PRDM15: variants seen among roughly 807,000 people sequenced by gnomAD.
The protein encoded by PRDM15 is PR domain zinc finger protein 15.
PRDM15 carries 64 observed loss-of-function variants against 128.6 expected under a neutral mutation model. The observed-to-expected ratio is 0.50, with a 90% CI of 0.41 to 0.61. PRDM15 has a LOEUF of 0.61. Ranked by LOEUF, PRDM15 falls within the 20% of genes least tolerant of loss-of-function variation. The pLI is 0.00. For missense variants in PRDM15, 1,242 were observed against 1,569.1 expected, an observed-to-expected ratio of 0.79 and a Z score of 3.52; for synonymous variants, 615 against 621.8, an observed-to-expected ratio of 0.99 and a Z score of 0.16.
At chr21:41,867,493 T>C in intron 1 of PRDM15, 1 of 791,038 alleles carries the variant, frequency 1.3e-6, no homozygotes, top group African/African-American at 1.7e-5. Flanking sequence ...AGCGCAGTGG[T>C]TTTTCACAGG....
chr21:41,879,076 T>A lies in PRDM15; in HGVS notation c.-10+194A>T. On this transcript the variant is annotated intron_variant, in intron 1 of 23. Coordinates refer to ENST00000398548, the MANE Select transcript of PRDM15 (RefSeq NM_001040424.3). This position sits in a 1 kb window ranked among gnomAD's most constrained non-coding sequence, Gnocchi z 5.1. ...GGGTTTTGACTCCGATCGCCAACGGTGCCCGCAGCCGGCGAATGTAACAAA... is the reference window on the plus strand; with the variant it reads ...GGGTTTTGACTCCGATCGCCAACGGAGCCCGCAGCCGGCGAATGTAACAAA... 1 of 1,129,164 alleles carries A rather than the reference T, an allele frequency of 8.9e-7. No individual in the cohort carries two copies. The highest frequency in any genetic ancestry group is 1.1e-6 in the Non-Finnish European group (1 of 897,166). 69.9% of individuals were successfully genotyped at this position (1,129,164 alleles called of 1,614,324 possible).
chr21:41,806,018 TC>T (rs2061564427), intron 21 of PRDM15, among the ~76,000 whole-genome samples: 7 of 26,716 alleles, frequency 2.6e-4, no homozygotes, highest in African/African-American at 1.1e-3. Context: ...ACCACCACCA[TC>T]ACCACCACCA....
Position 41,832,274 on chromosome 21 carries a change from C to T in PRDM15, c.1366+3163G>A, listed in dbSNP as rs117308130. ...TAGGAATGGGACCACTAGAGCCAAGCGCTTTGTGAAAGGCCACACCTTACA... is the reference window on the plus strand; with the variant it reads ...TAGGAATGGGACCACTAGAGCCAAGTGCTTTGTGAAAGGCCACACCTTACA... On this transcript the variant is annotated intron_variant, in intron 11 of 23. Transcript: ENST00000398548. The surrounding 1 kb of genome is among the most constrained non-coding windows in gnomAD (Gnocchi z 4.2). Among the ~76,000 whole-genome samples, 60 of 152,282 alleles carry T rather than the reference C, an allele frequency of 3.9e-4. No homozygotes were observed. In the East Asian group the frequency reaches 8.1e-3, roughly 21 times the overall value.
chr21:41,835,591 C>G, intron 10 of PRDM15, 67 bp from the exon 11 acceptor site: 1 of 1,369,750 alleles, frequency 7.3e-7, no homozygotes, highest in Non-Finnish European at 1.0e-6. Flanking sequence ...GAGCCCCCGA[C>G]GTGCTGCCCG....
Position 41,832,178 on chromosome 21 carries a change from G to C in PRDM15, c.1366+3259C>G, listed in dbSNP as rs781175592. 1.3e-5 allele frequency among the ~76,000 whole-genome samples: 2 copies of C among 152,202 alleles called. No individual in the cohort carries two copies. Among genetic ancestry groups the C allele is most frequent in the African/African-American group, 2.4e-5 (1 of 41,450 alleles). On this transcript the variant is annotated intron_variant, in intron 11 of 23. Coordinates refer to ENST00000398548, the MANE Select transcript of PRDM15 (RefSeq NM_001040424.3). This position sits in a 1 kb window ranked among gnomAD's most constrained non-coding sequence, Gnocchi z 4.2. ...TCACTTTGCTATTTTTGACACTGTA[G>C]ATAATTTAGTGATGGAATCTTTAGT...
chr21:41,837,079 A>G (rs2062919968), intron 8 of PRDM15: 1 of 153,872 alleles, frequency 6.5e-6, no homozygotes, highest in African/African-American at 2.4e-5. Context: ...CTGGGCAATA[A>G]GATAAAGTAT....
At position 41,836,094 on chromosome 21, in the gene PRDM15, T is replaced by C; in HGVS notation, c.1278+19A>G. 1 of 1,582,308 alleles carries C rather than the reference T, an allele frequency of 6.3e-7. No individual in the cohort carries two copies. The highest frequency in any genetic ancestry group is 8.7e-7 in the Non-Finnish European group (1 of 1,152,676). On this transcript the variant is annotated intron_variant, in intron 10 of 23. Transcript: ENST00000398548. ...GTCCACACAACTGGGAAGAGAACCC[T>C]GGGCTTGTTTCCACCCACCTCGTTC...
In PRDM15 at chr21:41,828,867, C is replaced by G. The variant is rs963704416; in HGVS notation, c.1367-534G>C. 6.6e-6 allele frequency among the ~76,000 whole-genome samples: 1 copy of G among 152,164 alleles called. No individual in the cohort carries two copies. Among genetic ancestry groups the G allele is most frequent in the African/African-American group, 2.4e-5 (1 of 41,472 alleles). On this transcript the variant is annotated intron_variant, in intron 11 of 23. Coordinates refer to ENST00000398548, the MANE Select transcript of PRDM15 (RefSeq NM_001040424.3). The surrounding 1 kb of genome is among the most constrained non-coding windows in gnomAD (Gnocchi z 5.7). ...AATGTGCCCATATTCCCCCCTTCACCCAAATCCTCCTCAGCACACACACAA... is the reference window on the plus strand; with the variant it reads ...AATGTGCCCATATTCCCCCCTTCACGCAAATCCTCCTCAGCACACACACAA...
intron 1 of PRDM15, among the ~76,000 whole-genome samples, chr21:41,860,999 C>A (rs978566577): frequency 2.0e-5 from 3 of 152,130 alleles, no homozygotes; most frequent in Admixed American, 6.5e-5. Flanking sequence ...GTGACAGGGT[C>A]TTGCTCTGTC....
intron 18 of PRDM15, 101 bp from the exon 19 acceptor site, chr21:41,815,937 G>T: frequency 6.8e-7 from 1 of 1,465,266 alleles, no homozygotes; most frequent in South Asian, 1.2e-5. Context: ...CGGCCCGTGC[G>T]GTACTGGTGA....
rs150320813 is a variant in PRDM15, at chr21:41,833,744, C to T, written c.1366+1693G>A. ...TAACAAAGGCCAGCACCTGGCCTAA[C>T]AGCACCTCTGGCTGACAGGAAGCTG... On this transcript the variant is annotated intron_variant, in intron 11 of 23. Transcript: ENST00000398548. Among the ~76,000 whole-genome samples the T allele has an allele frequency of 3.0e-3, 451 of 152,328 alleles. 3 individuals are homozygous for T. The highest frequency in any genetic ancestry group is 4.9e-3 in the Non-Finnish European group (333 of 68,030).
At chr21:41,839,364 G>A (rs1052531595) in intron 7 of PRDM15, among the ~76,000 whole-genome samples, 2 of 152,212 alleles carry the variant, frequency 1.3e-5, no homozygotes, top group African/African-American at 2.4e-5. Context: ...CTACCCTGAC[G>A]GGGGTGCTGG....
At chr21:41,842,498 T>C (rs1006267128) in intron 6 of PRDM15, among the ~76,000 whole-genome samples, 2 of 152,224 alleles carry the variant, frequency 1.3e-5, no homozygotes, top group African/African-American at 2.4e-5. Context: ...TCTTTTTTTG[T>C]TTGTTTGTTT....
rs1004962454 is a variant in PRDM15, at chr21:41,821,874, C to G, written c.1896+29G>C. Reference sequence around the variant, plus strand: ...ACGACCACCTTCCTCTCCAGACCACCCAGGCACCGCGGGGCAAACCCGCCA... The same window carrying G: ...ACGACCACCTTCCTCTCCAGACCACGCAGGCACCGCGGGGCAAACCCGCCA... On this transcript the variant is annotated intron_variant, in intron 15 of 23. Coordinates refer to ENST00000398548, the MANE Select transcript of PRDM15 (RefSeq NM_001040424.3). This position sits in a 1 kb window ranked among gnomAD's most constrained non-coding sequence, Gnocchi z 5.4. 2 of 1,612,628 alleles carry G rather than the reference C, an allele frequency of 1.2e-6. No homozygotes were observed.
chr21:41,871,900 T>C, intron 1 of PRDM15: 1 of 298,520 alleles, frequency 3.3e-6, no homozygotes, highest in Non-Finnish European at 6.2e-6. Context: ...TGCGCACACC[T>C]ACGTGACATG....
chr21:41,836,925 G>C lies in PRDM15; in HGVS notation c.1002-276C>G, dbSNP rs565040648. On this transcript the variant is annotated intron_variant, in intron 8 of 23. Coordinates refer to ENST00000398548, the MANE Select transcript of PRDM15 (RefSeq NM_001040424.3). The stretch of plus-strand genomic sequence containing the variant: ...CCAGAAAGCCTGGAGGTCAATTTGT[G>C]CCTCAATTAGAATAACCACACCTGT... 27 of 263,520 alleles carry C rather than the reference G, an allele frequency of 1.0e-4. No homozygotes were observed. In the East Asian group the frequency reaches 1.9e-3, roughly 18 times the overall value. 16.3% of individuals were successfully genotyped at this position (263,520 alleles called of 1,614,324 possible). A position where few individuals can be genotyped will look rare whatever the true frequency, so the allele number is the denominator to read the frequency against.
chr21:41,857,449 C>T, intron 3 of PRDM15, 120 bp from the exon 4 acceptor site: 1 of 1,090,114 alleles, frequency 9.2e-7, no homozygotes, highest in Non-Finnish European at 1.3e-6. Flanking sequence ...TAAAATTCTC[C>T]AGGTGATAAA....
chr21:41,847,630 G>T (rs889991016), intron 5 of PRDM15, among the ~76,000 whole-genome samples: 1 of 152,196 alleles, frequency 6.6e-6, no homozygotes, highest in African/African-American at 2.4e-5. Context: ...CCCGTGTGTG[G>T]CTGGGCTGCT....
In PRDM15 at chr21:41,826,161, G is replaced by A. The variant is rs1045380838; in HGVS notation, c.1535-107C>T. On this transcript the variant is annotated intron_variant, in intron 12 of 23. Coordinates refer to ENST00000398548, the MANE Select transcript of PRDM15 (RefSeq NM_001040424.3). The stretch of plus-strand genomic sequence containing the variant: ...TCCTTTCCAGCGCACGGGAGGACAG[G>A]GCTGCCCACAGTGGGGACAGAAGCG... 3.5e-6 allele frequency: 3 copies of A among 865,428 alleles called. No homozygotes were observed. In the African/African-American group the frequency reaches 5.0e-5, roughly 14 times the overall value. 53.6% of individuals were successfully genotyped at this position (865,428 alleles called of 1,614,324 possible).
Sources: allele counts gnomAD v4.1 joint callset (sites outside exome capture counted in the v4.1 genomes callset), GRCh38; gene constraint gnomAD v4.1.1; non-coding constraint Gnocchi (gnomAD v3.1); transcripts MANE v1.5; gene names NCBI Gene and HGNC (gene_info 2026-07-23, HGNC 2026-07-21).